The following FAM209A variants were observed in gnomAD, a reference collection of about 807,000 sequenced individuals.
The protein encoded by FAM209A is protein FAM209A.
In FAM209A, 4 loss-of-function variants were observed where a neutral mutation model predicts 9.8. The ratio of observed to expected loss-of-function variants is 0.41; its 90% confidence interval spans 0.20 to 0.94. The LOEUF is 0.94. Among genes scored for constraint, FAM209A ranks in the 40% least tolerant of loss-of-function variants. FAM209A has a pLI of 0.32. For missense variants in FAM209A, 205 were observed against 209.4 expected (o/e 0.98, Z 0.13); for synonymous variants, 55 against 77.8 (o/e 0.71, Z 1.54).
chr20:56,533,058 C>T, the FAM209A span: 2 of 715,694 alleles, frequency 2.8e-6, no homozygotes, highest in South Asian at 6.2e-5. Context: ...CCAGCAAAAG[C>T]TCGAGGGTTG....
chr20:56,527,650 A>G (rs942149200), downstream of FAM209A, among the ~76,000 whole-genome samples: 9 of 152,202 alleles, frequency 5.9e-5, no homozygotes, highest in African/African-American at 2.2e-4. Context: ...ATGAGGCAGG[A>G]GGCCATGGCT....
At chr20:56,529,537 T>C (rs542967113), downstream of FAM209A, among the ~76,000 whole-genome samples, 3 of 148,996 alleles carry the variant, frequency 2.0e-5, no homozygotes, top group South Asian at 6.4e-4. Context: ...AATTAAAAAA[T>C]AAAAATACAG....
At chr20:56,531,946 C>CT in the FAM209A span, among the ~76,000 whole-genome samples, 5 of 112,482 alleles carry the variant, frequency 4.4e-5, no homozygotes, top group Non-Finnish European at 8.0e-5. Context: ...AATGTATACT[C>CT]TTTTTTTCTT....
downstream of FAM209A, among the ~76,000 whole-genome samples, chr20:56,530,903 G>A (rs1468279720): frequency 6.6e-6 from 1 of 152,104 alleles, no homozygotes; most frequent in Non-Finnish European, 1.5e-5. Flanking sequence ...TTCCTATGCA[G>A]CATAAAGTTC....
At chr20:56,532,622 T>C in the FAM209A span, among the ~76,000 whole-genome samples, 3 of 151,642 alleles carry the variant, frequency 2.0e-5, no homozygotes, top group African/African-American at 7.3e-5. Context: ...TAGCTGAGAC[T>C]ACAGGCGTGT....
At chr20:56,531,974 CTTTTTTT>C in the FAM209A span, among the ~76,000 whole-genome samples, 1 of 113,036 alleles carries the variant, frequency 8.8e-6, no homozygotes, top group South Asian at 2.8e-4. Flanking sequence ...CTTTTCTTTT[CTTTTTTT>C]TTTTTTTTTT....
At chr20:56,527,885 T>C (rs948692610), downstream of FAM209A, among the ~76,000 whole-genome samples, 12 of 152,186 alleles carry the variant, frequency 7.9e-5, no homozygotes, top group Non-Finnish European at 1.8e-4. Context: ...GGTGGACAGA[T>C]CACCTGAGGT....
intron 1 of FAM209A, among the ~76,000 whole-genome samples, 171 bp downstream of exon 1, chr20:56,525,228 G>T (rs1002477423): frequency 6.6e-6 from 1 of 152,128 alleles, no homozygotes; most frequent in Non-Finnish European, 1.5e-5. Flanking sequence ...GAAGACAATT[G>T]TCCCCAGATC....
At chr20:56,533,560 G>C in the FAM209A span, 5 of 1,614,172 alleles carry the variant, frequency 3.1e-6, no homozygotes, top group African/African-American at 1.3e-5. Context: ...TTGTGATACT[G>C]CAGTGTCAAA....
At chr20:56,532,474 CTTTTTCTTTTTTTTT>C in the FAM209A span, among the ~76,000 whole-genome samples, 11 of 130,872 alleles carry the variant, frequency 8.4e-5, no homozygotes, top group African/African-American at 2.9e-4. Flanking sequence ...CTTTCTTTTT[CTTTTTCTTTTTTTTT>C]TTTTTTTTTT....
At chr20:56,529,181 C>T (rs1985656626), downstream of FAM209A, among the ~76,000 whole-genome samples, 1 of 148,974 alleles carries the variant, frequency 6.7e-6, no homozygotes, top group Non-Finnish European at 1.5e-5. Flanking sequence ...GCACTACAGC[C>T]TAAGTGACAG....
At chr20:56,530,996 C>T (rs1158720093), downstream of FAM209A, among the ~76,000 whole-genome samples, 1 of 152,172 alleles carries the variant, frequency 6.6e-6, no homozygotes, top group African/African-American at 2.4e-5. Flanking sequence ...AAGTACAAGC[C>T]GTGCATTCCA....
At chr20:56,526,555 AG>A (rs1985538733), downstream of FAM209A, among the ~76,000 whole-genome samples, 1 of 152,126 alleles carries the variant, frequency 6.6e-6, no homozygotes, top group Non-Finnish European at 1.5e-5. Flanking sequence ...TCTCACCACA[AG>A]AGTCCTTTCA....
At chr20:56,531,299 GT>G in the FAM209A span, among the ~76,000 whole-genome samples, 16,903 of 133,826 alleles carry the variant, frequency 0.13, 747 homozygotes, top group Middle Eastern at 0.24. Context: ...TTCTTTCTTT[GT>G]TTTTTTTTTT....
the FAM209A span, among the ~76,000 whole-genome samples, chr20:56,531,246 G>T: frequency 6.6e-6 from 1 of 150,892 alleles, no homozygotes; most frequent in African/African-American, 2.4e-5. Flanking sequence ...GTCCCCTTGT[G>T]CTCGTCTCTA....
downstream of FAM209A, among the ~76,000 whole-genome samples, chr20:56,527,667 G>C (rs1488513183): frequency 6.6e-6 from 1 of 152,224 alleles, no homozygotes; most frequent in Non-Finnish European, 1.5e-5. Context: ...GGCTTCTGCG[G>C]CTGCAGCAGA....
At chr20:56,528,601 C>CA (rs993456553), downstream of FAM209A, among the ~76,000 whole-genome samples, 19 of 146,660 alleles carry the variant, frequency 1.3e-4, no homozygotes, top group South Asian at 6.5e-4. Flanking sequence ...ACCTTGTGTC[C>CA]AAAAAAAAAA....
chr20:56,532,531 T>C, the FAM209A span, among the ~76,000 whole-genome samples: 2 of 146,070 alleles, frequency 1.4e-5, no homozygotes, highest in East Asian at 4.8e-4. Context: ...GTTGCCAGGC[T>C]GGAGTGCAGT....
chr20:56,529,389 T>A (rs1008190858), downstream of FAM209A, among the ~76,000 whole-genome samples: 3 of 151,696 alleles, frequency 2.0e-5, no homozygotes, highest in Non-Finnish European at 4.4e-5. Flanking sequence ...TGGTGGTGGG[T>A]GCCTGTAATC....
Sources: gnomAD v4.1 joint callset for allele counts (sites outside exome capture counted in the v4.1 genomes callset) on GRCh38, gnomAD v4.1.1 for gene constraint, MANE v1.5 for transcripts, NCBI Gene and HGNC (gene_info 2026-07-23, HGNC 2026-07-21) for gene names.